Variants in MFHAS1 observed in about 807,000 individuals in gnomAD.
MFHAS1 encodes multifunctional ROCO family signaling regulator 1.
MFHAS1 carries 50 observed loss-of-function variants against 70.4 expected under a neutral mutation model. That is an observed-to-expected ratio of 0.71 (90% CI 0.57 to 0.90). MFHAS1 has a LOEUF of 0.90. Among genes scored for constraint, MFHAS1 ranks in the 40% least tolerant of loss-of-function variants. The pLI is 0.00. For missense variants in MFHAS1, 1,795 were observed against 1,347.6 expected, an observed-to-expected ratio of 1.33 and a Z score of -5.20; for synonymous variants, 952 against 620.0, an observed-to-expected ratio of 1.54 and a Z score of -7.96.
chr8:8,796,890 G>C (rs1275197451), intron 2 of MFHAS1, among the ~76,000 whole-genome samples: 1 of 150,960 alleles, frequency 6.6e-6, no homozygotes, highest in Admixed American at 6.6e-5. Context: ...CAGCTACTCG[G>C]GAGGCTGAGG....
At chr8:8,826,167 C>T (rs183411912) in intron 1 of MFHAS1, among the ~76,000 whole-genome samples, 4 of 152,178 alleles carry the variant, frequency 2.6e-5, no homozygotes, top group Admixed American at 2.6e-4. Context: ...TTCCTCCTGA[C>T]GGCCAGTCTA....
intron 1 of MFHAS1, among the ~76,000 whole-genome samples, chr8:8,880,417 A>G (rs894331982): frequency 1.1e-4 from 17 of 152,174 alleles, no homozygotes; most frequent in Middle Eastern, 3.2e-3. Flanking sequence ...CTTTCACTCA[A>G]TAGGAGGAAG....
chr8:8,892,855 C>T lies in MFHAS1; in HGVS notation c.204G>A (p.Leu68=). 1 of 1,597,422 alleles carries T rather than the reference C, an allele frequency of 6.3e-7. No individual in the cohort carries two copies. Among genetic ancestry groups the T allele is most frequent in the South Asian group, 1.1e-5 (1 of 88,790 alleles). The change falls in exon 1 of 3, where the codon CTG becomes CTA. Residue 68 remains leucine, a synonymous_variant. Coordinates refer to ENST00000276282, the MANE Select transcript of MFHAS1 (RefSeq NM_004225.3). This position sits in a 1 kb window ranked among gnomAD's most constrained non-coding sequence, Gnocchi z 4.7. ...CCTCCAGGCCGTTGTTCCCCAGGTT[C>T]AGTGCCTCAATGTCCCCGAGGTTGG... is the stretch of plus-strand genomic sequence containing the variant. ...LPANLGDIEA[L]NLGNNGLEEV... is the part of the protein sequence containing the mutation.
At chr8:8,874,053 G>A (rs764145962) in intron 1 of MFHAS1, among the ~76,000 whole-genome samples, 5 of 152,106 alleles carry the variant, frequency 3.3e-5, no homozygotes, top group East Asian at 1.9e-4. Context: ...ATCACAAAGC[G>A]AAGCCTTCAT....
intron 2 of MFHAS1, among the ~76,000 whole-genome samples, chr8:8,796,172 T>C (rs1805886446): frequency 6.6e-6 from 1 of 152,200 alleles, no homozygotes; most frequent in Admixed American, 6.5e-5. Context: ...CCCAATGTTC[T>C]ATCTGAAAGT....
intron 2 of MFHAS1, among the ~76,000 whole-genome samples, chr8:8,793,774 C>A (rs765553499): frequency 2.2e-4 from 34 of 152,368 alleles, no homozygotes; most frequent in Middle Eastern, 3.4e-3. Flanking sequence ...TGGACTGGAA[C>A]TGAACCATCA....
intron 1 of MFHAS1, among the ~76,000 whole-genome samples, chr8:8,837,420 A>C (rs930340481): frequency 3.3e-5 from 5 of 152,210 alleles, no homozygotes; most frequent in Non-Finnish European, 7.3e-5. Flanking sequence ...CGGGCGGATC[A>C]CTTGAGAGAT....
intron 2 of MFHAS1, among the ~76,000 whole-genome samples, chr8:8,793,047 T>C (rs942784312): frequency 1.3e-5 from 2 of 152,190 alleles, no homozygotes; most frequent in Admixed American, 1.3e-4. Flanking sequence ...TGTTTCTCCC[T>C]GGAGGGTGAG....
In MFHAS1 at chr8:8,891,530, C is replaced by T; in HGVS notation, c.1529G>A (p.Arg510His). 6.2e-7 allele frequency: 1 copy of T among 1,613,046 alleles called. No individual in the cohort carries two copies. The highest frequency in any genetic ancestry group is 1.1e-5 in the South Asian group (1 of 91,084). The stretch of plus-strand genomic sequence containing the variant: ...GGAGCCCACGGTGGTAGGAAAGTGG[C>T]GAGGCTCATAGGTGGCCAAGTTGAC... ...LVVNLATYEP[R>H]HFPTTVGSFL... The change falls in exon 1 of 3, where the codon CGC becomes CAC. Residue 510 changes from arginine (R) to histidine (H), a missense_variant. Arg to His is a conservative substitution (Grantham distance 29). Transcript: ENST00000276282. This position sits in a 1 kb window ranked among gnomAD's most constrained non-coding sequence, Gnocchi z 5.4.
intron 1 of MFHAS1, among the ~76,000 whole-genome samples, chr8:8,869,330 C>G (rs983985110): frequency 3.3e-5 from 5 of 152,216 alleles, no homozygotes; most frequent in African/African-American, 7.2e-5. Flanking sequence ...TAAGCTAGAA[C>G]AAAAGCTGAT....
intron 1 of MFHAS1, among the ~76,000 whole-genome samples, chr8:8,855,747 T>C (rs780794325): frequency 5.9e-5 from 9 of 152,044 alleles, no homozygotes; most frequent in Non-Finnish European, 1.0e-4. Flanking sequence ...TCCCAGCTAC[T>C]TGGGAGGCTG....
At chr8:8,854,715 A>G (rs1808370137) in intron 1 of MFHAS1, among the ~76,000 whole-genome samples, 1 of 152,044 alleles carries the variant, frequency 6.6e-6, no homozygotes, top group African/African-American at 2.4e-5. Flanking sequence ...AGAAAAAAAT[A>G]TGTATTATGA....
chr8:8,847,396 G>T (rs1808076057), intron 1 of MFHAS1, among the ~76,000 whole-genome samples: 1 of 152,156 alleles, frequency 6.6e-6, no homozygotes, highest in African/African-American at 2.4e-5. Context: ...TGGCCAGGCT[G>T]GTCTCAAACT....
In MFHAS1 at chr8:8,892,991, C is replaced by T. The variant is rs1489663745; in HGVS notation, c.68G>A (p.Arg23Lys). The change falls in exon 1 of 3, where the codon AGG (arginine) becomes AAG (lysine). Residue 23 changes from arginine (R) to lysine (K), a missense_variant. Transcript: ENST00000276282. The surrounding 1 kb of genome is among the most constrained non-coding windows in gnomAD (Gnocchi z 4.7). Reference protein sequence around the residue: ...RLWRDAALRARKLRSNLRQLT... With the variant: ...RLWRDAALRAKKLRSNLRQLT... ...CTGGCGCAGGTTGCTCCGCAGCTTC[C>T]TGGCACGCAGGGCGGCGTCCCGCCA... 6 of 1,536,330 alleles carry T rather than the reference C, an allele frequency of 3.9e-6. No homozygotes were observed. The highest frequency in any genetic ancestry group is 5.2e-6 in the Non-Finnish European group (6 of 1,143,766).
rs201904921 is a variant in MFHAS1 at position 8,891,044 on chromosome 8, T to C, written c.2015A>G (p.Gln672Arg). The change falls in exon 1 of 3, where the codon CAG (glutamine) becomes CGG (arginine). Residue 672 changes from glutamine to arginine, a missense_variant. Physicochemically the swap from Gln to Arg is conservative, Grantham distance 43. Coordinates refer to ENST00000276282, the MANE Select transcript of MFHAS1 (RefSeq NM_004225.3). The surrounding 1 kb of genome is among the most constrained non-coding windows in gnomAD (Gnocchi z 5.4). ...SWQVLEELHF[Q>R]PPQAQRLWLS... is the part of the protein sequence containing the mutation. ...CCACAGTCGCTGGGCCTGAGGTGGC[T>C]GGAAATGCAGTTCCTCCAGCACCTG... The C allele has an allele frequency of 6.2e-7, 1 of 1,613,610 alleles. No homozygotes were observed. The highest frequency in any genetic ancestry group is 8.5e-7 in the Non-Finnish European group (1 of 1,179,876).
At chr8:8,822,631 G>C (rs567958339) in intron 1 of MFHAS1, among the ~76,000 whole-genome samples, 4 of 148,250 alleles carry the variant, frequency 2.7e-5, no homozygotes, top group Non-Finnish European at 5.9e-5. Flanking sequence ...AAGTCAGGGG[G>C]ACTGAGATGG....
At chr8:8,862,126 G>A (rs568334856) in intron 1 of MFHAS1, among the ~76,000 whole-genome samples, 1 of 152,314 alleles carries the variant, frequency 6.6e-6, no homozygotes, top group South Asian at 2.1e-4. Flanking sequence ...CCCAAATGCT[G>A]TATCATTTTC....
At chr8:8,844,809 A>G (rs1482606027) in intron 1 of MFHAS1, among the ~76,000 whole-genome samples, 1 of 152,180 alleles carries the variant, frequency 6.6e-6, no homozygotes, top group Admixed American at 6.5e-5. Context: ...CACTACTACT[A>G]CATCAAAACA....
chr8:8,854,095 A>G (rs926819850), intron 1 of MFHAS1, among the ~76,000 whole-genome samples: 1 of 152,198 alleles, frequency 6.6e-6, no homozygotes, highest in Admixed American at 6.5e-5. Flanking sequence ...AGGTTGCCCA[A>G]TTTACAAAAC....
Sources: allele counts gnomAD v4.1 joint callset (sites outside exome capture counted in the v4.1 genomes callset), GRCh38; gene constraint gnomAD v4.1.1; non-coding constraint Gnocchi (gnomAD v3.1); transcripts MANE v1.5; gene names NCBI Gene and HGNC (gene_info 2026-07-23, HGNC 2026-07-21).